The following MTUS1 variants were observed in gnomAD, a reference collection of about 807,000 sequenced individuals.
The protein encoded by MTUS1 is microtubule-associated tumor suppressor 1.
In MTUS1, 109 loss-of-function variants were observed where a neutral mutation model predicts 120.8. The observed-to-expected ratio is 0.90, with a 90% CI of 0.77 to 1.06. The LOEUF (loss-of-function observed/expected upper bound fraction) is 1.06. Among genes scored for constraint, MTUS1 ranks in the 50% least tolerant of loss-of-function variants. MTUS1 has a pLI of 0.00. For missense variants in MTUS1, 2,210 were observed against 1,486.3 expected, an observed-to-expected ratio of 1.49 and a Z score of -8.01; for synonymous variants, 737 against 550.5, an observed-to-expected ratio of 1.34 and a Z score of -4.74.
At chr8:17,656,907 A>C (rs2130291003) in intron 8 of MTUS1, among the ~76,000 whole-genome samples, 1 of 151,368 alleles carries the variant, frequency 6.6e-6, no homozygotes, top group East Asian at 2.0e-4. Context: ...AAAATACAAA[A>C]AATTAGCCGG....
chr8:17,675,291 A>G (rs762027486), intron 7 of MTUS1, 39 bp from the exon 8 acceptor site: 4 of 1,597,584 alleles, frequency 2.5e-6, no homozygotes, highest in South Asian at 1.1e-5. Context: ...TGCTTTCAAG[A>G]GGGTCCCTTT....
rs418157 is a variant in MTUS1, at chr8:17,763,708, A to C, written c.-154-7747T>G. Among the ~76,000 whole-genome samples, 58 of 152,308 alleles carry C rather than the reference A, an allele frequency of 3.8e-4. 1 individual carries two copies. In the South Asian group the frequency reaches 1.0e-2, roughly 26 times the overall value. ...CCAGCCTGGAGCCCCAGGCAAAGGG[A>C]AACACAAGTAACTGTGGCTGGCTGG... On this transcript the variant is annotated intron_variant, in intron 1 of 14. Coordinates refer to ENST00000693296, the MANE Select transcript of MTUS1 (RefSeq NM_001363059.2).
chr8:17,719,083 C>T (rs1021901835), intron 4 of MTUS1, among the ~76,000 whole-genome samples: 11 of 151,902 alleles, frequency 7.2e-5, no homozygotes, highest in Non-Finnish European at 1.3e-4. Context: ...GGTGGGAGAA[C>T]TGCTTGAACC....
At chr8:17,779,764 T>G (rs1184033687) in intron 1 of MTUS1, among the ~76,000 whole-genome samples, 1 of 152,234 alleles carries the variant, frequency 6.6e-6, no homozygotes, top group African/African-American at 2.4e-5. Flanking sequence ...GATTCTTCTT[T>G]GATCAACATC....
rs1211350944 is a variant in MTUS1 at position 17,644,375 on chromosome 8, G to GTTAT, written c.*1547_*1550dup. 6.6e-6 allele frequency: 1 copy of GTTAT among 152,588 alleles called. No homozygotes were observed. 9.5% of individuals were successfully genotyped at this position (152,588 alleles called of 1,614,324 possible). A position where few individuals can be genotyped will look rare whatever the true frequency, so the allele number is the denominator to read the frequency against. ...TCCTGAATCTCTTCTTACTACAGCTGTTATTTGTACAGCCACTGAATGTAG... is the reference window on the plus strand; with the variant it reads ...TCCTGAATCTCTTCTTACTACAGCTGTTATTTATTTGTACAGCCACTGAATGTAG... On this transcript the variant is annotated 3_prime_UTR_variant, in exon 15 of 15. Coordinates refer to ENST00000693296, the MANE Select transcript of MTUS1 (RefSeq NM_001363059.2).
chr8:17,791,244 T>G (rs944173352), intron 1 of MTUS1, among the ~76,000 whole-genome samples: 1 of 152,222 alleles, frequency 6.6e-6, no homozygotes, highest in African/African-American at 2.4e-5. Flanking sequence ...ACCGCAGGGC[T>G]GATGTGATCA....
intron 8 of MTUS1, among the ~76,000 whole-genome samples, chr8:17,657,483 G>C (rs965298093): frequency 2.6e-4 from 39 of 150,108 alleles, no homozygotes; most frequent in African/African-American, 8.6e-4. Context: ...CAGGAGAATG[G>C]CGTGAACCCG....
intron 3 of MTUS1, among the ~76,000 whole-genome samples, chr8:17,733,287 G>A (rs1417897790): frequency 1.3e-5 from 2 of 151,674 alleles, no homozygotes; most frequent in Non-Finnish European, 2.9e-5. Flanking sequence ...GGAGGTGGAG[G>A]TTGCAGTGAG....
chr8:17,775,310 G>A (rs1056639571), intron 1 of MTUS1, among the ~76,000 whole-genome samples: 1 of 151,942 alleles, frequency 6.6e-6, no homozygotes, highest in Non-Finnish European at 1.5e-5. Context: ...AGAAGAGTCA[G>A]AGCTAATGGC....
chr8:17,677,299 C>G (rs75052475), intron 7 of MTUS1, among the ~76,000 whole-genome samples: 2 of 152,076 alleles, frequency 1.3e-5, no homozygotes, highest in South Asian at 2.1e-4. Context: ...CAAGTAAACA[C>G]CAGGAAGCTT....
chr8:17,701,608 C>G (rs976683960), intron 6 of MTUS1, among the ~76,000 whole-genome samples: 2 of 152,020 alleles, frequency 1.3e-5, no homozygotes, highest in African/African-American at 4.8e-5. Context: ...AGTGCAGTGG[C>G]GTGATCTCGG....
intron 1 of MTUS1, among the ~76,000 whole-genome samples, chr8:17,791,796 A>C (rs1358598659): frequency 6.6e-6 from 1 of 152,216 alleles, no homozygotes; most frequent in Admixed American, 6.5e-5. Context: ...AACACCTCCA[A>C]GGCTAAGCAG....
intron 7 of MTUS1, among the ~76,000 whole-genome samples, chr8:17,683,752 T>C (rs946349284): frequency 2.0e-5 from 3 of 152,248 alleles, no homozygotes; most frequent in Non-Finnish European, 2.9e-5. Flanking sequence ...AACTTGGTTT[T>C]CTCAATGAAT....
At chr8:17,747,063 G>A (rs1325208228) in intron 2 of MTUS1, among the ~76,000 whole-genome samples, 1 of 152,108 alleles carries the variant, frequency 6.6e-6, no homozygotes, top group Non-Finnish European at 1.5e-5. Context: ...TTATCTGCCT[G>A]CTAGGGCAAT....
intron 1 of MTUS1, among the ~76,000 whole-genome samples, chr8:17,764,865 G>A (rs1283128618): frequency 2.0e-5 from 3 of 152,198 alleles, no homozygotes; most frequent in Non-Finnish European, 4.4e-5. Context: ...TTTCATGGGA[G>A]ACAACTTTTC....
At chr8:17,746,509 A>AAG (rs1335879542) in intron 2 of MTUS1, among the ~76,000 whole-genome samples, 1 of 152,166 alleles carries the variant, frequency 6.6e-6, no homozygotes, top group Admixed American at 6.5e-5. Context: ...GGCAGCAGAC[A>AAG]AGAGAGAATA....
chr8:17,781,720 C>G (rs415713), intron 1 of MTUS1, among the ~76,000 whole-genome samples: 46,738 of 152,062 alleles, frequency 0.31, 9,763 homozygotes, highest in African/African-American at 0.57. Context: ...GCACCCCTTT[C>G]CTGCTCGACG....
intron 1 of MTUS1, among the ~76,000 whole-genome samples, chr8:17,797,778 G>A (rs779082940): frequency 1.6e-4 from 24 of 152,062 alleles, no homozygotes; most frequent in Non-Finnish European, 2.6e-4. Context: ...TGGTCCTATC[G>A]CTTACTCTTA....
At chr8:17,646,767 G>A (rs1805880353) in intron 14 of MTUS1, among the ~76,000 whole-genome samples, 2 of 152,156 alleles carry the variant, frequency 1.3e-5, no homozygotes, top group African/African-American at 4.8e-5. Context: ...GTGGGAGCAG[G>A]CTTGCTGGCC....
Sources: gnomAD v4.1 joint callset for allele counts (sites outside exome capture counted in the v4.1 genomes callset) on GRCh38, gnomAD v4.1.1 for gene constraint, MANE v1.5 for transcripts, NCBI Gene and HGNC (gene_info 2026-07-23, HGNC 2026-07-21) for gene names.